The following GPC6 variants were observed in gnomAD, a reference collection of about 807,000 sequenced individuals.
The protein encoded by GPC6 is glypican-6.
A neutral mutation model predicts 55.2 loss-of-function variants in GPC6; 14 were observed. That is an observed-to-expected ratio of 0.25 (90% CI 0.17 to 0.40). The LOEUF is 0.40. GPC6 is among the 10% of genes least tolerant of loss of function. The pLI, the probability that GPC6 is intolerant of heterozygous loss-of-function variation, is 1.00. For synonymous variants in GPC6, 278 were observed against 259.6 expected, an observed-to-expected ratio of 1.07 and a Z score of -0.68; for missense variants, 641 against 708.5, an observed-to-expected ratio of 0.90 and a Z score of 1.08.
intron 2 of GPC6, among the ~76,000 whole-genome samples, chr13:93,762,983 T>G (rs1040016915): frequency 6.6e-6 from 1 of 152,104 alleles, no homozygotes; most frequent in Non-Finnish European, 1.5e-5. Context: ...TGGAAAAGAT[T>G]TATATTTGAG....
intron 2 of GPC6, among the ~76,000 whole-genome samples, chr13:93,551,170 T>C (rs991137080): frequency 1.3e-5 from 2 of 152,202 alleles, no homozygotes; most frequent in Non-Finnish European, 1.5e-5. Context: ...CCACAAAGTC[T>C]GTCAGACATA....
At chr13:93,444,705 A>G (rs1027339016) in intron 1 of GPC6, among the ~76,000 whole-genome samples, 1 of 152,234 alleles carries the variant, frequency 6.6e-6, no homozygotes, top group African/African-American at 2.4e-5. Flanking sequence ...CCCTCTCATC[A>G]GGACACAAAC....
chr13:93,713,713 T>TAA (rs5805820), intron 2 of GPC6, among the ~76,000 whole-genome samples: 16 of 151,330 alleles, frequency 1.1e-4, no homozygotes, highest in Middle Eastern at 3.4e-3. Context: ...TGCCCATTTG[T>TAA]AAAAAAAATG....
intron 1 of GPC6, among the ~76,000 whole-genome samples, chr13:93,231,395 A>ATATACATATATATATATATATG (rs1421458620): frequency 4.2e-5 from 1 of 23,690 alleles, no homozygotes. Flanking sequence ...ATATATATAT[A>ATATACATATATATATATATATG]TGTATATATA....
In GPC6 at chr13:94,398,565, G is replaced by C. The variant is rs1450387947; in HGVS notation, c.1389G>C (p.Gln463His). ...ITRPDTFIRQ[Q>H]IMALRVMTNK... ...GGCCTGACACTTTCATCAGACAGCA[G>C]ATTATGGCTCTCCGTGTGATGACCA... Residue 463 changes from glutamine to histidine, a missense_variant, in exon 8 of 9, where the codon CAG (glutamine) becomes CAC (histidine). Transcript: ENST00000377047. 1.2e-6 allele frequency: 2 copies of C among 1,614,020 alleles called. No individual in the cohort carries two copies. Among genetic ancestry groups the C allele is most frequent in the Non-Finnish European group, 1.7e-6 (2 of 1,179,868 alleles).
intron 2 of GPC6, among the ~76,000 whole-genome samples, chr13:93,655,396 C>G (rs1266933120): frequency 6.6e-6 from 1 of 152,042 alleles, no homozygotes; most frequent in African/African-American, 2.4e-5. Flanking sequence ...CAGAGTGGTA[C>G]AGATGGTGCA....
chr13:93,331,244 A>T (rs185618787), intron 1 of GPC6, among the ~76,000 whole-genome samples: 1 of 152,338 alleles, frequency 6.6e-6, no homozygotes, highest in Admixed American at 6.5e-5. Context: ...GGTACTAAGT[A>T]GCCAAGTTTA....
At chr13:93,919,142 C>A (rs1877440479) in intron 3 of GPC6, among the ~76,000 whole-genome samples, 1 of 152,154 alleles carries the variant, frequency 6.6e-6, no homozygotes, top group Non-Finnish European at 1.5e-5. Flanking sequence ...CCTGCTCTTG[C>A]CTTGTCATGA....
chr13:93,904,236 A>G (rs1876513921), intron 3 of GPC6, among the ~76,000 whole-genome samples: 1 of 152,172 alleles, frequency 6.6e-6, no homozygotes, highest in South Asian at 2.1e-4. Context: ...TTAAACAAAT[A>G]CTTTGGGTAG....
intron 4 of GPC6, among the ~76,000 whole-genome samples, chr13:94,259,890 GCACA>G (rs1191612064): frequency 6.6e-5 from 10 of 151,782 alleles, no homozygotes; most frequent in Non-Finnish European, 1.3e-4. Flanking sequence ...ATACACACAT[GCACA>G]CACACACATA....
At chr13:93,389,863 T>C (rs573434261) in intron 1 of GPC6, among the ~76,000 whole-genome samples, 1 of 152,278 alleles carries the variant, frequency 6.6e-6, no homozygotes, top group East Asian at 1.9e-4. Flanking sequence ...TTACATTTAA[T>C]CATTGACTGC....
At chr13:93,863,571 A>T (rs999095727) in intron 3 of GPC6, among the ~76,000 whole-genome samples, 2 of 151,738 alleles carry the variant, frequency 1.3e-5, no homozygotes, top group African/African-American at 4.8e-5. Context: ...TAAACTGATT[A>T]GGCTCGATTT....
At chr13:93,536,124 G>C (rs1337092716) in intron 1 of GPC6, among the ~76,000 whole-genome samples, 8 of 152,092 alleles carry the variant, frequency 5.3e-5, no homozygotes, top group Non-Finnish European at 1.0e-4. Flanking sequence ...GAATTAGGTT[G>C]CCAGGCCTCT....
chr13:94,173,677 G>C (rs1307157870), intron 4 of GPC6, among the ~76,000 whole-genome samples: 5 of 152,134 alleles, frequency 3.3e-5, no homozygotes, highest in Non-Finnish European at 1.5e-5. Flanking sequence ...CCGAACTCAA[G>C]TTGAGATTTT....
chr13:93,724,967 T>G (rs1279554364), intron 2 of GPC6, among the ~76,000 whole-genome samples: 1 of 152,002 alleles, frequency 6.6e-6, no homozygotes, highest in African/African-American at 2.4e-5. Context: ...TAATTGTATC[T>G]CTGTGAAACC....
At chr13:93,359,920 G>A (rs538108981) in intron 1 of GPC6, among the ~76,000 whole-genome samples, 3 of 152,180 alleles carry the variant, frequency 2.0e-5, no homozygotes, top group East Asian at 3.9e-4. Flanking sequence ...AAGTTAAAAC[G>A]TGTTGGAAGA....
In GPC6 at chr13:93,495,158, C is replaced by T. The variant is rs1270582408; in HGVS notation, c.161-50105C>T. Among the ~76,000 whole-genome samples the T allele has an allele frequency of 4.7e-5, 5 of 107,304 alleles. 2 individuals are homozygous for T. Among genetic ancestry groups the T allele is most frequent in the Non-Finnish European group, 1.0e-4 (5 of 50,016 alleles). 70.4% of individuals were successfully genotyped at this position (107,304 alleles called of 152,430 possible). The stretch of plus-strand genomic sequence containing the variant: ...CCATTCTCCGCATCACTTTCAGGTA[C>T]ACCAATCAGACGTAGATTTGGTCTT... On this transcript the variant is annotated intron_variant, in intron 1 of 8. Transcript: ENST00000377047.
At chr13:93,682,173 G>A (rs980856548) in intron 2 of GPC6, among the ~76,000 whole-genome samples, 12 of 152,256 alleles carry the variant, frequency 7.9e-5, no homozygotes, top group African/African-American at 2.9e-4. Context: ...GAGTTTCCCA[G>A]GAAGCAGACT....
chr13:93,615,246 A>G (rs1270334225), intron 2 of GPC6, among the ~76,000 whole-genome samples: 17 of 152,158 alleles, frequency 1.1e-4, no homozygotes. Context: ...TTTATTTACA[A>G]ATAACAATTA....
Sources: allele counts gnomAD v4.1 joint callset (sites outside exome capture counted in the v4.1 genomes callset), GRCh38; gene constraint gnomAD v4.1.1; transcripts MANE v1.5; gene names NCBI Gene and HGNC (gene_info 2026-07-23, HGNC 2026-07-21).